The following NRXN2 variants were observed in gnomAD, a reference collection of about 807,000 sequenced individuals.
NRXN2 encodes neurexin 2.
In NRXN2, 29 loss-of-function variants were observed where a neutral mutation model predicts 128.8. The ratio of observed to expected loss-of-function variants is 0.23; its 90% CI spans 0.17 to 0.31. The LOEUF is 0.31. Among genes scored for constraint, NRXN2 ranks in the 10% least tolerant of loss-of-function variants. The pLI, the probability that NRXN2 is intolerant of heterozygous loss-of-function variation, is 1.00. For missense variants in NRXN2, 1,881 were observed against 2,452.6 expected (o/e 0.77, Z 4.92); for synonymous variants, 1,098 against 1,075.2 (o/e 1.02, Z -0.41).
At chr11:64,657,791 T>G (rs949892842) in intron 11 of NRXN2, among the ~76,000 whole-genome samples, 4 of 152,108 alleles carry the variant, frequency 2.6e-5, no homozygotes, top group Non-Finnish European at 5.9e-5. Context: ...ACGGATGCAT[T>G]TGCACCAAGC....
chr11:64,664,236 G>A (rs755124950), intron 9 of NRXN2, among the ~76,000 whole-genome samples: 2 of 152,028 alleles, frequency 1.3e-5, no homozygotes, highest in African/African-American at 2.4e-5. Flanking sequence ...CAGCACTTTG[G>A]GAGGCCAAGG....
chr11:64,707,581 T>C (rs2056470664), intron 2 of NRXN2, among the ~76,000 whole-genome samples: 1 of 152,184 alleles, frequency 6.6e-6, no homozygotes, highest in South Asian at 2.1e-4. Context: ...GTATTGAGCA[T>C]TTTCTATGTA....
At chr11:64,704,654 AG>A (rs2056014663) in intron 2 of NRXN2, among the ~76,000 whole-genome samples, 1 of 151,248 alleles carries the variant, frequency 6.6e-6, no homozygotes, top group Non-Finnish European at 1.5e-5. Context: ...AGAGAGAGAG[AG>A]AGAGAGAGAG....
intron 2 of NRXN2, among the ~76,000 whole-genome samples, chr11:64,705,135 C>T (rs1376857909): frequency 6.6e-6 from 1 of 152,100 alleles, no homozygotes; most frequent in Non-Finnish European, 1.5e-5. Context: ...GAAGGTGTGG[C>T]CCAAGGAATT....
rs534405831 is a variant in NRXN2, at chr11:64,625,296, A to T, written c.3847+1167T>A. 1.7e-3 allele frequency among the ~76,000 whole-genome samples: 261 copies of T among 152,188 alleles called. 1 individual carries two copies. The highest frequency in any genetic ancestry group is 3.4e-3 in the Non-Finnish European group (233 of 68,038). On this transcript the variant is annotated intron_variant, in intron 20 of 22. Transcript: ENST00000265459. ...AAGAGGGAGGTGGGTAATGAAGAGG[A>T]AGCCACAGTGTTAGCAAACTTGGTC...
chr11:64,687,174 C>T (rs1438723267), intron 5 of NRXN2, among the ~76,000 whole-genome samples: 1 of 152,224 alleles, frequency 6.6e-6, no homozygotes, highest in Non-Finnish European at 1.5e-5. Flanking sequence ...TGCAGGAATT[C>T]TCAATAGATG....
chr11:64,608,259 G>T (rs1011115036), intron 22 of NRXN2, among the ~76,000 whole-genome samples, 177 bp from the exon 23 acceptor site: 9 of 152,204 alleles, frequency 5.9e-5, no homozygotes, highest in African/African-American at 2.2e-4. Flanking sequence ...GCTTTAAGCG[G>T]GCAGCGGCTC....
intron 22 of NRXN2, among the ~76,000 whole-genome samples, chr11:64,616,241 C>T (rs1383554542): frequency 2.6e-5 from 4 of 152,180 alleles, no homozygotes; most frequent in Non-Finnish European, 5.9e-5. Flanking sequence ...CATGTTGGTG[C>T]ATGAGTACAC....
chr11:64,607,086 C>G lies in NRXN2; in HGVS notation c.*110G>C. 8.3e-7 allele frequency: 1 copy of G among 1,207,734 alleles called. No homozygotes were observed. Among genetic ancestry groups the G allele is most frequent in the Non-Finnish European group, 1.2e-6 (1 of 867,018 alleles). 74.8% of individuals were successfully genotyped at this position (1,207,734 alleles called of 1,614,324 possible). On this transcript the variant is annotated 3_prime_UTR_variant, in exon 23 of 23. Coordinates refer to ENST00000265459, the MANE Select transcript of NRXN2 (RefSeq NM_015080.4). ...TGCGTTTCCTCTTCGTAAGAGAAGC[C>G]TGAGGCAGCCAGGGAGAGGGTCCCC...
intron 6 of NRXN2, among the ~76,000 whole-genome samples, chr11:64,681,576 T>A (rs1361312913): frequency 6.6e-6 from 1 of 152,208 alleles, no homozygotes; most frequent in African/African-American, 2.4e-5. Context: ...TTGAGTGTTT[T>A]AAGGCAATAC....
At chr11:64,700,591 C>T in intron 2 of NRXN2, among the ~76,000 whole-genome samples, 1 of 152,202 alleles carries the variant, frequency 6.6e-6, no homozygotes, top group East Asian at 1.9e-4. Flanking sequence ...TCACTTTTGC[C>T]CTTCTCCACT....
At position 64,685,691 on chromosome 11, in the gene NRXN2, G is replaced by A. The variant is rs142349282; in HGVS notation, c.1107C>T (p.Asn369=). The A allele has an allele frequency of 8.1e-5, 130 of 1,614,204 alleles. No homozygotes were observed. The highest frequency in any genetic ancestry group is 7.1e-4 in the East Asian group (32 of 44,880). ...CCCGGACGTCGTGCCAGGCGTTGTC[G>A]TTGAACTTGCCATTGACGGGTTCCA... is the stretch of plus-strand genomic sequence containing the variant. The part of the protein sequence containing the change: ...ALVEPVNGKF[N]DNAWHDVRVT... Residue 369 remains asparagine, a synonymous_variant, in exon 6 of 23, where the codon AAC becomes AAT. Transcript: ENST00000265459.
chr11:64,647,210 TG>T (rs2046822753), intron 17 of NRXN2, among the ~76,000 whole-genome samples: 1 of 99,882 alleles, frequency 1.0e-5, no homozygotes, highest in African/African-American at 7.8e-5. Flanking sequence ...CGCTTCGTTG[TG>T]TGTGTGTGTG....
chr11:64,698,305 C>G (rs552422714), intron 2 of NRXN2, among the ~76,000 whole-genome samples: 9 of 152,320 alleles, frequency 5.9e-5, no homozygotes, highest in African/African-American at 1.2e-4. Context: ...GTGACACACA[C>G]TGTCTCACAC....
In NRXN2 at chr11:64,630,809, T is replaced by TTCCACTAACCGCATGA. The variant is rs1400348793; in HGVS notation, c.3586-237_3586-236insTCATGCGGTTAGTGGA. 7.9e-5 allele frequency among the ~76,000 whole-genome samples: 12 copies of TTCCACTAACCGCATGA among 152,290 alleles called. No individual in the cohort carries two copies. The highest frequency in any genetic ancestry group is 1.6e-4 in the Non-Finnish European group (11 of 68,024). On this transcript the variant is annotated intron_variant, in intron 18 of 22. Coordinates refer to ENST00000265459, the MANE Select transcript of NRXN2 (RefSeq NM_015080.4). The surrounding 1 kb of genome is among the most constrained non-coding windows in gnomAD (Gnocchi z 4.6). ...CAGAGCGCCTTCCACTAACCACACC[T>TTCCACTAACCGCATGA]GTCTCTTGCCTTTTGGTTTGTCCTG...
intron 17 of NRXN2, chr11:64,643,178 A>T: frequency 1.0e-6 from 1 of 957,408 alleles, no homozygotes; most frequent in Middle Eastern, 5.5e-4. Flanking sequence ...CAGGGAGGGG[A>T]GAGCGAGGGA....
At chr11:64,676,868 A>G in intron 7 of NRXN2, 125 bp downstream of exon 7, 1 of 768,952 alleles carries the variant, frequency 1.3e-6, no homozygotes, top group Non-Finnish European at 2.3e-6. Flanking sequence ...CCAGGACGCA[A>G]AAAACAATTG....
At chr11:64,706,350 G>A (rs559515375) in intron 2 of NRXN2, among the ~76,000 whole-genome samples, 141 of 144,218 alleles carry the variant, frequency 9.8e-4, no homozygotes, top group Non-Finnish European at 1.9e-3. Context: ...AGGCCCCGGT[G>A]TGTGATGTTC....
chr11:64,702,534 A>G (rs867969409), intron 2 of NRXN2, among the ~76,000 whole-genome samples: 4 of 152,006 alleles, frequency 2.6e-5, no homozygotes, highest in African/African-American at 4.8e-5. Context: ...CATGTGCTGT[A>G]TCCACTCAGG....
Sources: gnomAD v4.1 joint callset for allele counts (sites outside exome capture counted in the v4.1 genomes callset) on GRCh38, gnomAD v4.1.1 for gene constraint, Gnocchi (gnomAD v3.1) non-coding constraint, MANE v1.5 for transcripts, NCBI Gene and HGNC (gene_info 2026-07-23, HGNC 2026-07-21) for gene names.